MBTD1: variants seen among roughly 807,000 people sequenced by gnomAD.
MBTD1 encodes the protein mbt domain containing 1.
MBTD1 carries 24 observed loss-of-function variants against 87.8 expected under a neutral mutation model. That is an observed-to-expected ratio of 0.27 (90% CI 0.20 to 0.38). The LOEUF is 0.38. Ranked by LOEUF, MBTD1 falls within the 10% of genes least tolerant of loss-of-function variation. The pLI is 1.00. For synonymous variants in MBTD1, 237 were observed against 248.6 expected (o/e 0.95, Z 0.44); for missense variants, 436 against 760.2 (o/e 0.57, Z 5.02).
At chr17:51,213,743 T>A (rs1341999952) in intron 6 of MBTD1, among the ~76,000 whole-genome samples, 1 of 152,176 alleles carries the variant, frequency 6.6e-6, no homozygotes, top group African/African-American at 2.4e-5. Context: ...TTTTAGTGGT[T>A]TCCAGCCTCA....
chr17:51,245,406 A>T (rs982969305), intron 2 of MBTD1, among the ~76,000 whole-genome samples: 2 of 152,192 alleles, frequency 1.3e-5, no homozygotes, highest in African/African-American at 2.4e-5. Context: ...AAAATGTATC[A>T]GTATTTTATT....
chr17:51,241,096 G>A (rs1362527276), intron 2 of MBTD1, among the ~76,000 whole-genome samples: 2 of 151,314 alleles, frequency 1.3e-5, no homozygotes, highest in Admixed American at 1.3e-4. Context: ...CTTTTGCTTC[G>A]GCCTCCTGAA....
chr17:51,260,147 C>T (rs1279599578), upstream of MBTD1: 2 of 366,718 alleles, frequency 5.5e-6, no homozygotes, highest in Admixed American at 8.9e-5. Flanking sequence ...ACCGTGGGAC[C>T]CTCTGCAGGC....
Position 51,192,294 on chromosome 17 carries a change from A to C in MBTD1, c.1691-14T>G. ...TTTCTCTTGATGCTGAAAAATAAAA[A>C]GGGAAAATTGGTACTAGATAATTGT... On this transcript the variant is annotated splice_polypyrimidine_tract_variant and intron_variant, in intron 15 of 16. Transcript: ENST00000586178. The C allele has an allele frequency of 6.5e-7, 1 of 1,532,186 alleles. No individual in the cohort carries two copies. The highest frequency in any genetic ancestry group is 8.8e-7 in the Non-Finnish European group (1 of 1,130,076). 94.9% of individuals were successfully genotyped at this position (1,532,186 alleles called of 1,614,324 possible). A position where few individuals can be genotyped will look rare whatever the true frequency, so the allele number is the denominator to read the frequency against.
At chr17:51,223,766 G>A (rs2053051961) in intron 3 of MBTD1, among the ~76,000 whole-genome samples, 2 of 152,070 alleles carry the variant, frequency 1.3e-5, no homozygotes, top group South Asian at 4.1e-4. Flanking sequence ...AACCCGGGAG[G>A]TGGAGGCTAC....
intron 2 of MBTD1, among the ~76,000 whole-genome samples, chr17:51,228,491 A>AG (rs2053361915): frequency 2.2e-5 from 1 of 46,440 alleles, no homozygotes; most frequent in Non-Finnish European, 5.3e-5. Context: ...TCAAACCACG[A>AG]AAAAAAAAAA....
At chr17:51,186,823 T>C (rs1428724793) in intron 16 of MBTD1, among the ~76,000 whole-genome samples, 1 of 151,326 alleles carries the variant, frequency 6.6e-6, no homozygotes, top group Non-Finnish European at 1.5e-5. Context: ...GCTGAACAGC[T>C]GGCCAATTTC....
chr17:51,192,589 T>C (rs903902649), intron 15 of MBTD1, 193 bp downstream of exon 15: 15 of 948,422 alleles, frequency 1.6e-5, no homozygotes, highest in Non-Finnish European at 2.1e-5. Flanking sequence ...TAATTGACTA[T>C]TGGATTCACA....
intron 7 of MBTD1, among the ~76,000 whole-genome samples, chr17:51,205,404 C>T (rs2051761857): frequency 6.6e-6 from 1 of 152,192 alleles, no homozygotes; most frequent in Admixed American, 6.5e-5. Flanking sequence ...AGTAAATGCA[C>T]TGATCTTAAG....
At chr17:51,243,787 G>C (rs1012547931) in intron 2 of MBTD1, among the ~76,000 whole-genome samples, 1 of 152,142 alleles carries the variant, frequency 6.6e-6, no homozygotes, top group Non-Finnish European at 1.5e-5. Context: ...ACAGCCTCCT[G>C]AGTAGCTGGG....
chr17:51,187,625 G>A (rs148049590), intron 16 of MBTD1, among the ~76,000 whole-genome samples: 1 of 152,060 alleles, frequency 6.6e-6, no homozygotes, highest in African/African-American at 2.4e-5. Flanking sequence ...CGAGGCAGGT[G>A]GATCACTTGA....
intron 2 of MBTD1, among the ~76,000 whole-genome samples, chr17:51,243,817 G>A (rs977283360): frequency 1.3e-5 from 2 of 152,034 alleles, no homozygotes; most frequent in African/African-American, 4.8e-5. Flanking sequence ...GTACACTGAC[G>A]TGTTTCGTTT....
chr17:51,259,702 G>T (rs999656552), intron 1 of MBTD1, 133 bp downstream of exon 1: 61 of 800,344 alleles, frequency 7.6e-5, no homozygotes, highest in Non-Finnish European at 9.9e-5. Context: ...GGGGGCTCCG[G>T]AGGTTGAGAG....
chr17:51,259,335 G>A (rs899992367), intron 1 of MBTD1, 129 bp from the exon 2 acceptor site: 3 of 1,006,460 alleles, frequency 3.0e-6, no homozygotes, highest in East Asian at 6.5e-5. Context: ...TCTCCCGCAC[G>A]TGCCCACCCC....
At chr17:51,192,332 C>T (rs965501321) in intron 15 of MBTD1, 52 bp from the exon 16 acceptor site, 21 of 1,267,808 alleles carry the variant, frequency 1.7e-5, no homozygotes, top group African/African-American at 1.0e-4. Flanking sequence ...ACAATTTAGA[C>T]GATACAGTTG....
At chr17:51,199,560 G>A (rs1466258682) in intron 12 of MBTD1, among the ~76,000 whole-genome samples, 3 of 151,742 alleles carry the variant, frequency 2.0e-5, no homozygotes, top group Non-Finnish European at 2.9e-5. Flanking sequence ...TTCTGCCTCA[G>A]CCTCCCGAGT....
intron 2 of MBTD1, among the ~76,000 whole-genome samples, chr17:51,246,212 G>C (rs2054425035): frequency 1.3e-5 from 2 of 152,124 alleles, no homozygotes; most frequent in African/African-American, 2.4e-5. Flanking sequence ...AAATTCACTT[G>C]TTTCATATCC....
At chr17:51,221,792 G>A (rs2052908727) in intron 3 of MBTD1, among the ~76,000 whole-genome samples, 1 of 152,146 alleles carries the variant, frequency 6.6e-6, no homozygotes, top group African/African-American at 2.4e-5. Context: ...AAGGATGTGC[G>A]TAAGTTATAT....
At chr17:51,183,909 AAATG>A (rs2050425009) in intron 16 of MBTD1, 1 of 152,246 alleles carries the variant, frequency 6.6e-6, no homozygotes, top group African/African-American at 2.4e-5. Context: ...CTGGATGGCT[AAATG>A]AATGAGAAAA....
Sources: gnomAD v4.1 joint callset for allele counts (sites outside exome capture counted in the v4.1 genomes callset) on GRCh38, gnomAD v4.1.1 for gene constraint, MANE v1.5 for transcripts, NCBI Gene and HGNC (gene_info 2026-07-23, HGNC 2026-07-21) for gene names.